The following GPN3 variants were observed in gnomAD, a reference collection of about 807,000 sequenced individuals.
GPN3 encodes ATP-binding domain 1 family member C.
Under a neutral mutation model 38.7 loss-of-function variants are expected in GPN3, and 31 were observed. The observed-to-expected ratio is 0.80, with a 90% CI of 0.60 to 1.08. The LOEUF (loss-of-function observed/expected upper bound fraction) is 1.08, where lower values mean the gene tolerates loss of function less well. GPN3 is among the 50% of genes least tolerant of loss of function. GPN3 has a pLI of 0.00. For synonymous variants in GPN3, 116 were observed against 120.2 expected, an observed-to-expected ratio of 0.96 and a Z score of 0.23; for missense variants, 301 against 354.4, an observed-to-expected ratio of 0.85 and a Z score of 1.21.
At position 110,465,232 on chromosome 12, in the gene GPN3, A is replaced by G. The variant is rs758992591; in HGVS notation, c.49-18T>C. The G allele has an allele frequency of 1.2e-5, 17 of 1,406,976 alleles. No homozygotes were observed. The African/African-American group carries it at 2.4e-4, about 20-fold the overall frequency. The allele number at this position is 1,406,976 out of a possible 1,614,324, so 87.2% of individuals were successfully genotyped here. A position where few individuals can be genotyped will look rare whatever the true frequency, so the allele number is the denominator to read the frequency against. On this transcript the variant is annotated intron_variant, in intron 1 of 7. Coordinates refer to ENST00000228827, the MANE Select transcript of GPN3 (RefSeq NM_016301.4). ...TAGGTGCTCTGTAATGTCACAAGGC[A>G]TGAGAGGTTAAAGCAACAGGTAGTG...
At chr12:110,468,635 A>G (rs1486204894), upstream of GPN3, 6 of 1,537,072 alleles carry the variant, frequency 3.9e-6, no homozygotes, top group East Asian at 2.4e-5. Flanking sequence ...TTTGGGGAGC[A>G]TGTATATTTC....
At chr12:110,461,816 T>C (rs1010445269) in intron 2 of GPN3, among the ~76,000 whole-genome samples, 2 of 152,168 alleles carry the variant, frequency 1.3e-5, no homozygotes, top group African/African-American at 4.8e-5. Context: ...CAATAACAGA[T>C]AACTGATCCA....
intron 4 of GPN3, among the ~76,000 whole-genome samples, chr12:110,456,329 C>CA (rs59734369): frequency 0.023 from 1,539 of 66,636 alleles, 33 homozygotes; most frequent in East Asian, 0.18. Context: ...AACTTGGTCT[C>CA]AAAAAAAAAA....
intron 2 of GPN3, among the ~76,000 whole-genome samples, chr12:110,463,508 G>A (rs1035364508): frequency 7.0e-6 from 1 of 142,998 alleles, no homozygotes; most frequent in Non-Finnish European, 1.5e-5. Context: ...AGTGGCTCAC[G>A]CCTCTAATCC....
chr12:110,459,532 G>A (rs1242177558), intron 3 of GPN3, among the ~76,000 whole-genome samples, 163 bp downstream of exon 3: 1 of 152,134 alleles, frequency 6.6e-6, no homozygotes, highest in East Asian at 1.9e-4. Flanking sequence ...GAGCCACTGC[G>A]CCCGGCCTCA....
intron 7 of GPN3, 25 bp from the exon 8 acceptor site, chr12:110,453,121 G>C: frequency 8.9e-7 from 1 of 1,125,414 alleles, no homozygotes; most frequent in Non-Finnish European, 1.4e-6. Context: ...ACACAAAATA[G>C]AAAATATATT....
At chr12:110,465,710 T>C (rs1270916735) in intron 1 of GPN3, among the ~76,000 whole-genome samples, 1 of 152,202 alleles carries the variant, frequency 6.6e-6, no homozygotes, top group Non-Finnish European at 1.5e-5. Context: ...ATAAATAGTC[T>C]GGAGGTGGCT....
At chr12:110,465,430 C>T (rs1009635290) in intron 1 of GPN3, among the ~76,000 whole-genome samples, 4 of 152,202 alleles carry the variant, frequency 2.6e-5, no homozygotes, top group Non-Finnish European at 4.4e-5. Context: ...CTCTGCCCTT[C>T]AATTTTCGTG....
intron 1 of GPN3, among the ~76,000 whole-genome samples, chr12:110,465,960 T>G (rs919969709): frequency 4.0e-5 from 6 of 151,732 alleles, no homozygotes; most frequent in Non-Finnish European, 8.8e-5. Context: ...GCCTGTAATC[T>G]CAGATACTCA....
chr12:110,465,184 A>C lies in GPN3; in HGVS notation c.79T>G (p.Cys27Gly), dbSNP rs747700286. The C allele has an allele frequency of 3.1e-6, 5 of 1,610,246 alleles. No individual in the cohort carries two copies. The Admixed American group carries it at 5.0e-5, about 16-fold the overall frequency. Residue 27 changes from cysteine (C) to glycine (G), a missense_variant, in exon 2 of 8, where the codon TGT (cysteine) becomes GGT (glycine). Physicochemically the swap from Cys to Gly is radical, Grantham distance 159 (BLOSUM62 -3). Coordinates refer to ENST00000228827, the MANE Select transcript of GPN3 (RefSeq NM_016301.4). Reference protein sequence around the residue: ...STYCATMVQHCEALNRSVQVV... With the variant: ...STYCATMVQHGEALNRSVQVV... The stretch of plus-strand genomic sequence containing the variant: ...TGGACAGACCGGTTGAGGGCTTCAC[A>C]GTGCTGGACCATGGTGGCACAGTAG...
chr12:110,455,903 T>G lies in GPN3; in HGVS notation c.478A>C (p.Ser160Arg). The change falls in exon 5 of 8, where the codon AGT (serine) becomes CGT (arginine). Residue 160 changes from serine (S) to arginine (R), a missense_variant. Physicochemically the swap from Ser to Arg is moderately radical, Grantham distance 110. Coordinates refer to ENST00000228827, the MANE Select transcript of GPN3 (RefSeq NM_016301.4). ...GGAATTTCTAGAGAGATCATGGCAC[T>G]CAGGGCTGCCAAGATGCCAGAAATA... ...KFISGILAAL[S>R]AMISLEIPQV... 6.2e-7 allele frequency: 1 copy of G among 1,601,160 alleles called. No individual in the cohort carries two copies. Among genetic ancestry groups the G allele is most frequent in the Non-Finnish European group, 8.6e-7 (1 of 1,168,232 alleles).
Position 110,457,512 on chromosome 12 carries a change from T to G in GPN3, c.448A>C (p.Lys150Gln). The change falls in exon 4 of 8, where the codon AAG becomes CAG. Residue 150 changes from lysine (K) to glutamine (Q), a missense_variant and splice_region_variant. By Grantham distance (53) the Lys-to-Gln change is moderately conservative. Transcript: ENST00000228827. Reference protein sequence around the residue: ...VDSQFMVESFKFISGILAALS... With the variant: ...VDSQFMVESFQFISGILAALS... ...CTGTAAGAGATTTAGCTTCAGACCT[T>G]GAATGACTCCACCATGAACTGAGAA... 1 of 1,558,722 alleles carries G rather than the reference T, an allele frequency of 6.4e-7. No individual in the cohort carries two copies.
chr12:110,454,631 C>T (rs1335557732), intron 6 of GPN3, among the ~76,000 whole-genome samples: 4 of 151,962 alleles, frequency 2.6e-5, no homozygotes, highest in African/African-American at 7.2e-5. Flanking sequence ...GGATTATAGG[C>T]GTGAGCCACT....
At chr12:110,457,482 AAAATC>A in intron 4 of GPN3, 23 bp downstream of exon 4, 1 of 1,467,872 alleles carries the variant, frequency 6.8e-7, no homozygotes, top group Non-Finnish European at 9.0e-7. Flanking sequence ...AAAAAAAAAA[AAAATC>A]TGTAAGAGAT....
chr12:110,466,254 C>T (rs926397989), intron 1 of GPN3, among the ~76,000 whole-genome samples: 3 of 152,048 alleles, frequency 2.0e-5, no homozygotes, highest in Admixed American at 1.3e-4. Flanking sequence ...CACAAGGGCA[C>T]GGATTTTGTG....
chr12:110,465,768 T>C (rs1391245144), intron 1 of GPN3, among the ~76,000 whole-genome samples: 1 of 152,176 alleles, frequency 6.6e-6, no homozygotes, highest in Non-Finnish European at 1.5e-5. Flanking sequence ...CATTATGTAG[T>C]TGTTACCGTA....
rs1298400304 is a variant in GPN3, at chr12:110,453,107, G to A, written c.793-11C>T. 3 of 1,304,162 alleles carry A rather than the reference G, an allele frequency of 2.3e-6. No individual in the cohort carries two copies. The highest frequency in any genetic ancestry group is 1.8e-5 in the Admixed American group (1 of 56,838). The allele number at this position is 1,304,162 out of a possible 1,614,324, so 80.8% of individuals were successfully genotyped here. On this transcript the variant is annotated splice_polypyrimidine_tract_variant and intron_variant, in intron 7 of 7. Transcript: ENST00000228827. Reference sequence around the variant, plus strand: ...CTCATCTTCACGTTCCTGACACAATGGAAACACAAAATAGAAAATATATTC... The same window carrying A: ...CTCATCTTCACGTTCCTGACACAATAGAAACACAAAATAGAAAATATATTC...
chr12:110,455,550 G>A (rs763753282), intron 6 of GPN3, 36 bp downstream of exon 6: 4 of 860,810 alleles, frequency 4.6e-6, no homozygotes, highest in African/African-American at 1.7e-5. Context: ...ATTAGCCACT[G>A]CACCTGGCCA....
chr12:110,466,722 C>G (rs543467386), intron 1 of GPN3, among the ~76,000 whole-genome samples: 1 of 152,264 alleles, frequency 6.6e-6, no homozygotes, highest in East Asian at 1.9e-4. Context: ...CCCTGAACTC[C>G]TGGGCTCAAG....
Sources: allele counts gnomAD v4.1 joint callset (sites outside exome capture counted in the v4.1 genomes callset), GRCh38; gene constraint gnomAD v4.1.1; transcripts MANE v1.5; gene names NCBI Gene and HGNC (gene_info 2026-07-23, HGNC 2026-07-21).